FMNL1: variants seen among roughly 807,000 people sequenced by gnomAD.
FMNL1 encodes the protein formin-like protein 1.
In FMNL1, 43 loss-of-function variants were observed where a neutral mutation model predicts 121.3. The observed-to-expected ratio is 0.35, with a 90% confidence interval of 0.28 to 0.46. The LOEUF (loss-of-function observed/expected upper bound fraction) is 0.46, where lower values mean the gene tolerates loss of function less well. FMNL1 is among the 20% of genes least tolerant of loss of function. The probability of loss-of-function intolerance (pLI) is 1.00; values close to 1 mark genes in which losing one functional copy is unlikely to be tolerated. For missense variants in FMNL1, 1,191 were observed against 1,482.4 expected (o/e 0.80, Z 3.23); for synonymous variants, 613 against 613.5 (o/e 1.00, Z 0.01).
rs1449104983 is a variant in FMNL1 at position 45,222,101 on chromosome 17, C to G, written c.-24C>G. On this transcript the variant is annotated 5_prime_UTR_variant, in exon 1 of 27. Coordinates refer to ENST00000331495, the MANE Select transcript of FMNL1 (RefSeq NM_005892.4). ...GCTGGATTTCCGAGGCTGGAGGCGC[C>G]TGGCCGGCTGGGTGGGGACCACCAT... The G allele has an allele frequency of 1.1e-5, 13 of 1,147,648 alleles. No individual in the cohort carries two copies. The highest frequency in any genetic ancestry group is 1.2e-5 in the Non-Finnish European group (11 of 934,418). 71.1% of individuals were successfully genotyped at this position (1,147,648 alleles called of 1,614,324 possible).
intron 1 of FMNL1, among the ~76,000 whole-genome samples, chr17:45,229,970 C>G (rs2043405318): frequency 6.6e-6 from 1 of 152,216 alleles, no homozygotes. Context: ...ACATGGCCGC[C>G]CTCAGCTCCC....
intron 1 of FMNL1, among the ~76,000 whole-genome samples, chr17:45,226,084 G>A (rs1184568471): frequency 6.6e-6 from 1 of 152,114 alleles, no homozygotes; most frequent in East Asian, 1.9e-4. Context: ...CAAGGTTACT[G>A]TGCACTCCCC....
In FMNL1 at chr17:45,237,194, C is replaced by T. The variant is rs1002534416; in HGVS notation, c.724-87C>T. ...TTGGATACAAAGAACTTCCTAAACT[C>T]GAGGGCAGTTAAAGATCCACGTGGC... On this transcript the variant is annotated intron_variant, in intron 7 of 26. Transcript: ENST00000331495. The surrounding 1 kb of genome is among the most constrained non-coding windows in gnomAD (Gnocchi z 4.4). 17 of 1,234,824 alleles carry T rather than the reference C, an allele frequency of 1.4e-5. No homozygotes were observed. Among genetic ancestry groups the T allele is most frequent in the African/African-American group, 1.0e-4 (7 of 66,908 alleles). The allele number at this position is 1,234,824 out of a possible 1,614,324, so 76.5% of individuals were successfully genotyped here.
intron 10 of FMNL1, 131 bp downstream of exon 10, chr17:45,238,769 A>G: frequency 8.0e-7 from 1 of 1,251,114 alleles, no homozygotes; most frequent in Non-Finnish European, 1.1e-6. Flanking sequence ...TCAGTAGGGG[A>G]AGGGTGGATG....
chr17:45,243,861 C>T lies in FMNL1; in HGVS notation c.2284C>T (p.Arg762Cys), dbSNP rs140767111. The change falls in exon 18 of 27, where the codon CGC becomes TGC. Residue 762 changes from arginine to cysteine, a missense_variant. Arg to Cys is a radical substitution (Grantham distance 180). Coordinates refer to ENST00000331495, the MANE Select transcript of FMNL1 (RefSeq NM_005892.4). ...LMRFLPTEYE[R>C]SLITRFEREQ... ...GCGCTTCCTGCCCACAGAGTATGAG[C>T]GCAGCCTCATCACCCGCTTTGAGCG... The T allele has an allele frequency of 2.4e-5, 39 of 1,613,796 alleles. No homozygotes were observed. Among genetic ancestry groups the T allele is most frequent in the African/African-American group, 1.5e-4 (11 of 74,942 alleles).
rs2043763225 is a variant in FMNL1, at chr17:45,243,781, C to G, written c.2214-10C>G. On this transcript the variant is annotated splice_polypyrimidine_tract_variant and intron_variant, in intron 17 of 26. Transcript: ENST00000331495. ...ATGATGCCCAATCTCCCCTCTCCTC[C>G]CTCTCACAGGTACGACCTGCAGGCT... 6.2e-7 allele frequency: 1 copy of G among 1,603,342 alleles called. No individual in the cohort carries two copies. Among genetic ancestry groups the G allele is most frequent in the Admixed American group, 1.7e-5 (1 of 59,818 alleles).
At chr17:45,246,783 G>C (rs1368810175) in intron 26 of FMNL1, 84 bp from the exon 27 acceptor site, 2 of 714,724 alleles carry the variant, frequency 2.8e-6, no homozygotes, top group Non-Finnish European at 4.9e-6. Context: ...TGAGTCCTTA[G>C]GAGGCTAAGC....
At chr17:45,236,094 G>T (rs757079078) in intron 6 of FMNL1, 42 bp from the exon 7 acceptor site, 2 of 1,530,910 alleles carry the variant, frequency 1.3e-6, no homozygotes, top group Admixed American at 3.4e-5. Flanking sequence ...AGGAAGCTGG[G>T]GCTCACTCTG....
intron 16 of FMNL1, 104 bp from the exon 17 acceptor site, chr17:45,243,014 G>C (rs762686207): frequency 1.0e-4 from 126 of 1,244,148 alleles, no homozygotes; most frequent in Non-Finnish European, 1.4e-4. Context: ...TTCTCTGCTG[G>C]TGGCCTGGTC....
chr17:45,241,948 C>A lies in FMNL1; in HGVS notation c.1687C>A (p.Pro563Thr). The A allele has an allele frequency of 3.7e-6, 5 of 1,351,156 alleles. No homozygotes were observed. Among genetic ancestry groups the A allele is most frequent in the African/African-American group, 1.5e-5 (1 of 64,612 alleles). The allele number at this position is 1,351,156 out of a possible 1,614,324, so 83.7% of individuals were successfully genotyped here. Residue 563 changes from proline to threonine, a missense_variant, in exon 15 of 27, where the codon CCA (proline) becomes ACA (threonine). This residue lies in a region of FMNL1 where 519 missense variants were observed against 492.8 expected (regional missense o/e 1.05). Transcript: ENST00000331495. This position sits in a 1 kb window ranked among gnomAD's most constrained non-coding sequence, Gnocchi z 7.0. The part of the protein sequence containing the change: ...SPQEAPPSAP[P>T]QAPPLPGSPE... ...GCAGGAAGCCCCGCCCTCTGCGCCC[C>A]CACAGGCCCCGCCTCTCCCTGGCAG...
Position 45,237,289 on chromosome 17 carries a change from C to T in FMNL1, c.732C>T (p.Phe244=). ...LRAIMNYQSG[F]SLVMNHPACV... ...CTCTCCTCTCTCCCCAGTCTGGCTT[C>T]AGCCTTGTCATGAACCACCCAGCCT... Residue 244 remains phenylalanine (F), a synonymous_variant, in exon 8 of 27, where the codon TTC becomes TTT. Transcript: ENST00000331495. This position sits in a 1 kb window ranked among gnomAD's most constrained non-coding sequence, Gnocchi z 4.4. 1 of 1,614,224 alleles carries T rather than the reference C, an allele frequency of 6.2e-7. No individual in the cohort carries two copies. The highest frequency in any genetic ancestry group is 2.2e-5 in the East Asian group (1 of 44,890).
At position 45,246,202 on chromosome 17, in the gene FMNL1, C is replaced by T. The variant is rs545433512; in HGVS notation, c.3091-8C>T. 1.9e-6 allele frequency: 3 copies of T among 1,601,676 alleles called. No individual in the cohort carries two copies. Among genetic ancestry groups the T allele is most frequent in the Admixed American group, 1.7e-5 (1 of 59,118 alleles). On this transcript the variant is annotated splice_region_variant and splice_polypyrimidine_tract_variant and intron_variant, in intron 24 of 26. Transcript: ENST00000331495. ...CATCCTGGAGCTGGAGCTATAAATTCCCCCTAGTCACCGCCAAAGGCCCGG... is the reference window on the plus strand; with the variant it reads ...CATCCTGGAGCTGGAGCTATAAATTTCCCCTAGTCACCGCCAAAGGCCCGG...
intron 1 of FMNL1, among the ~76,000 whole-genome samples, chr17:45,225,736 C>T (rs1287017062): frequency 6.6e-6 from 1 of 152,106 alleles, no homozygotes; most frequent in Non-Finnish European, 1.5e-5. Context: ...GGGACGTTTC[C>T]TGAGCTTTGG....
intron 25 of FMNL1, 69 bp downstream of exon 25, chr17:45,246,399 G>A (rs769431859): frequency 4.3e-5 from 69 of 1,612,922 alleles, no homozygotes; most frequent in Non-Finnish European, 5.4e-5. Flanking sequence ...GACCCAATGC[G>A]CTATCCTCTG....
intron 10 of FMNL1, 39 bp downstream of exon 10, chr17:45,238,677 G>C (rs2143480743): frequency 6.2e-7 from 1 of 1,612,510 alleles, no homozygotes; most frequent in East Asian, 2.2e-5. Flanking sequence ...CCTGGGCCAG[G>C]CCCTCTTGGG....
chr17:45,243,172 A>C lies in FMNL1; in HGVS notation c.2065A>C (p.Ser689Arg), dbSNP rs767106750. Residue 689 changes from serine (S) to arginine (R), a missense_variant, in exon 17 of 27, where the codon AGC (serine) becomes CGC (arginine). Ser to Arg is a moderately radical substitution (Grantham distance 110). Transcript: ENST00000331495. The stretch of plus-strand genomic sequence containing the variant: ...GTTCAAGACCAAGTCCCAAGGCCCC[A>C]GCCTGGACCTCAGCGCTCTCAAGAG... ...EQFKTKSQGP[S>R]LDLSALKSKA... The C allele has an allele frequency of 1.9e-6, 3 of 1,614,212 alleles. No individual in the cohort carries two copies. The highest frequency in any genetic ancestry group is 1.7e-6 in the Non-Finnish European group (2 of 1,180,036).
intron 6 of FMNL1, chr17:45,234,475 G>C: frequency 2.3e-6 from 1 of 426,826 alleles, no homozygotes; most frequent in Non-Finnish European, 4.4e-6. Context: ...GACCAGCCTG[G>C]CTAACATGGT....
intron 11 of FMNL1, 146 bp from the exon 12 acceptor site, chr17:45,240,330 G>A: frequency 1.3e-6 from 1 of 787,256 alleles, no homozygotes. Context: ...TATGATTTGT[G>A]AATTATATAT....
At position 45,237,945 on chromosome 17, in the gene FMNL1, T is replaced by C. The variant is rs188718071; in HGVS notation, c.894+306T>C. 1.9e-5 allele frequency: 6 copies of C among 315,774 alleles called. No individual in the cohort carries two copies. In the East Asian group the frequency reaches 2.0e-4, roughly 11 times the overall value. The allele number at this position is 315,774 out of a possible 1,614,324, so 19.6% of individuals were successfully genotyped here. A position where few individuals can be genotyped will look rare whatever the true frequency, so the allele number is the denominator to read the frequency against. ...TAGCCTTGGTTCATACCTCCAGGAG[T>C]TGCGGACTCTGGCTAACAGGCTTGC... On this transcript the variant is annotated intron_variant, in intron 9 of 26. Coordinates refer to ENST00000331495, the MANE Select transcript of FMNL1 (RefSeq NM_005892.4). This position sits in a 1 kb window ranked among gnomAD's most constrained non-coding sequence, Gnocchi z 4.4.
Sources: gnomAD v4.1 joint callset for allele counts (sites outside exome capture counted in the v4.1 genomes callset) on GRCh38, gnomAD v4.1.1 for gene constraint, gnomAD v4.1.1 regional missense constraint, Gnocchi (gnomAD v3.1) non-coding constraint, MANE v1.5 for transcripts, NCBI Gene and HGNC (gene_info 2026-07-23, HGNC 2026-07-21) for gene names.